NR3C2: variants seen among roughly 807,000 people sequenced by gnomAD.
NR3C2 encodes the protein mineralocorticoid receptor.
NR3C2 carries 15 observed loss-of-function variants against 86.4 expected under a neutral mutation model. The observed-to-expected ratio is 0.17, with a 90% CI of 0.12 to 0.27. The LOEUF is 0.27. Ranked by LOEUF, NR3C2 falls within the 10% of genes least tolerant of loss-of-function variation. NR3C2 has a pLI of 1.00. For synonymous variants in NR3C2, 458 were observed against 450.5 expected (o/e 1.02, Z -0.21); for missense variants, 960 against 1,195.6 (o/e 0.80, Z 2.91).
At chr4:148,332,012 A>T (rs1744255295) in intron 2 of NR3C2, among the ~76,000 whole-genome samples, 1 of 152,194 alleles carries the variant, frequency 6.6e-6, no homozygotes, top group African/African-American at 2.4e-5. Context: ...TCATTCCATA[A>T]ACTCTGAATT....
intron 2 of NR3C2, among the ~76,000 whole-genome samples, chr4:148,427,345 T>C (rs964113389): frequency 6.6e-6 from 1 of 152,088 alleles, no homozygotes; most frequent in Non-Finnish European, 1.5e-5. Context: ...TACTCAAATA[T>C]CAACTCCTCC....
chr4:148,309,852 C>T (rs1742822109), intron 2 of NR3C2, among the ~76,000 whole-genome samples: 1 of 151,964 alleles, frequency 6.6e-6, no homozygotes, highest in African/African-American at 2.4e-5. Context: ...ATCATAGTAA[C>T]TATAAATTTC....
At chr4:148,140,298 G>C (rs530527305) in intron 6 of NR3C2, among the ~76,000 whole-genome samples, 61 of 152,234 alleles carry the variant, frequency 4.0e-4, no homozygotes, top group Non-Finnish European at 7.8e-4. Flanking sequence ...GAGCTCAGGA[G>C]TTCAATGTTA....
chr4:148,230,071 T>TTC (rs1444715125), intron 3 of NR3C2, among the ~76,000 whole-genome samples: 1 of 152,188 alleles, frequency 6.6e-6, no homozygotes, highest in Non-Finnish European at 1.5e-5. Context: ...ATTGGGACAA[T>TTC]TCTCTCTCTC....
chr4:148,348,548 C>T lies in NR3C2; in HGVS notation c.1757+86556G>A, dbSNP rs930775924. Among the ~76,000 whole-genome samples, 13 of 152,138 alleles carry T rather than the reference C, an allele frequency of 8.5e-5. 1 individual carries two copies. Among genetic ancestry groups the T allele is most frequent in the African/African-American group, 3.1e-4 (13 of 41,436 alleles). On this transcript the variant is annotated intron_variant, in intron 2 of 8. Transcript: ENST00000358102. ...CCATCCAAAGAGAAATCTTATTCTT[C>T]TCTGCCTTTTTGTATAGCATGAGAT...
intron 8 of NR3C2, among the ~76,000 whole-genome samples, chr4:148,083,694 G>A (rs528981142): frequency 4.7e-4 from 72 of 152,150 alleles, no homozygotes; most frequent in African/African-American, 1.7e-3. Context: ...TGAGTTTCAC[G>A]AATTGACAGA....
chr4:148,104,964 T>C (rs1213467067), intron 8 of NR3C2, among the ~76,000 whole-genome samples: 1 of 152,210 alleles, frequency 6.6e-6, no homozygotes, highest in African/African-American at 2.4e-5. Context: ...AGTGGAAAGA[T>C]ATAAGACAGA....
In NR3C2 at chr4:148,120,213, C is replaced by A; in HGVS notation, c.2586G>T (p.Leu862=). Residue 862 remains leucine (L), a synonymous_variant, in exon 7 of 9, where the codon CTG becomes CTT. Transcript: ENST00000358102. ...MHQISLQFVR[L]QLTFEEYTIM... is the part of the protein sequence containing the mutation. ...TGGTGTATTCTTCAAAGGTGAGCTG[C>A]AGTCGAACGAACTGAAGGCTGATTT... 1 of 1,614,168 alleles carries A rather than the reference C, an allele frequency of 6.2e-7. No individual in the cohort carries two copies. The highest frequency in any genetic ancestry group is 8.5e-7 in the Non-Finnish European group (1 of 1,180,002).
intron 2 of NR3C2, among the ~76,000 whole-genome samples, chr4:148,308,083 A>G (rs1742722821): frequency 1.3e-5 from 2 of 152,052 alleles, no homozygotes; most frequent in South Asian, 4.2e-4. Context: ...CTTTACTACC[A>G]AACATTTAAG....
At chr4:148,192,768 C>T (rs1424548360) in intron 4 of NR3C2, among the ~76,000 whole-genome samples, 3 of 151,976 alleles carry the variant, frequency 2.0e-5, no homozygotes, top group South Asian at 2.1e-4. Flanking sequence ...GGGGGAAAGC[C>T]GGCAGTCACA....
chr4:148,415,520 A>G (rs1413921561), intron 2 of NR3C2, among the ~76,000 whole-genome samples: 2 of 152,320 alleles, frequency 1.3e-5, no homozygotes, highest in East Asian at 3.9e-4. Flanking sequence ...AAATGGCCCC[A>G]TAACTTTAAA....
intron 2 of NR3C2, among the ~76,000 whole-genome samples, chr4:148,348,133 A>G (rs61761517): frequency 6.6e-6 from 1 of 152,122 alleles, no homozygotes. Flanking sequence ...CCTCTGGAGA[A>G]TTTGAGAGAC....
chr4:148,110,228 C>T (rs1320685849), intron 8 of NR3C2, among the ~76,000 whole-genome samples: 1 of 152,196 alleles, frequency 6.6e-6, no homozygotes, highest in East Asian at 1.9e-4. Context: ...TCAACCTGTT[C>T]TTTCAGAGAA....
chr4:148,352,388 CTATCTA>C (rs1487327090), intron 2 of NR3C2, among the ~76,000 whole-genome samples: 46 of 142,084 alleles, frequency 3.2e-4, no homozygotes, highest in Middle Eastern at 3.2e-3. Flanking sequence ...ATCTATCTAT[CTATCTA>C]TCTATCTATC....
intron 2 of NR3C2, among the ~76,000 whole-genome samples, chr4:148,411,578 G>A (rs921408038): frequency 2.6e-5 from 4 of 151,962 alleles, no homozygotes; most frequent in African/African-American, 9.7e-5. Flanking sequence ...TTATATAAAC[G>A]GCATCACAAG....
At chr4:148,383,166 A>G (rs1047937766) in intron 2 of NR3C2, among the ~76,000 whole-genome samples, 4 of 152,210 alleles carry the variant, frequency 2.6e-5, no homozygotes, top group African/African-American at 9.6e-5. Context: ...TCATCACACT[A>G]CATGTTTCAT....
At chr4:148,191,486 T>G (rs1285506520) in intron 4 of NR3C2, among the ~76,000 whole-genome samples, 1 of 152,228 alleles carries the variant, frequency 6.6e-6, no homozygotes, top group African/African-American at 2.4e-5. Flanking sequence ...TGTGATGAAT[T>G]TCCTGGGTGT....
intron 2 of NR3C2, among the ~76,000 whole-genome samples, chr4:148,328,949 A>G (rs1234041565): frequency 6.6e-6 from 1 of 152,192 alleles, no homozygotes; most frequent in African/African-American, 2.4e-5. Flanking sequence ...TGATGATAAA[A>G]CTACATTATT....
chr4:148,367,893 G>A (rs976545385), intron 2 of NR3C2, among the ~76,000 whole-genome samples: 2 of 149,032 alleles, frequency 1.3e-5, no homozygotes, highest in African/African-American at 5.0e-5. Context: ...AAAAAGTCAA[G>A]GGGGATTTCT....
Sources: gnomAD v4.1 joint callset for allele counts (sites outside exome capture counted in the v4.1 genomes callset) on GRCh38, gnomAD v4.1.1 for gene constraint, MANE v1.5 for transcripts, NCBI Gene and HGNC (gene_info 2026-07-23, HGNC 2026-07-21) for gene names.